The following HIVEP3 variants were observed in gnomAD, a reference collection of about 807,000 sequenced individuals.
The protein encoded by HIVEP3 is HIVEP zinc finger 3.
A neutral mutation model predicts 152.8 loss-of-function variants in HIVEP3; 49 were observed. The ratio of observed to expected loss-of-function variants is 0.32; its 90% CI spans 0.26 to 0.41. HIVEP3 has a LOEUF of 0.41. HIVEP3 is among the 10% of genes least tolerant of loss of function. HIVEP3 has a pLI of 1.00. For synonymous variants in HIVEP3, 1,269 were observed against 1,289.0 expected (o/e 0.98, Z 0.33); for missense variants, 2,790 against 3,103.3 (o/e 0.90, Z 2.40).
At chr1:41,759,946 C>T (rs747183406) in intron 1 of HIVEP3, among the ~76,000 whole-genome samples, 11 of 152,116 alleles carry the variant, frequency 7.2e-5, no homozygotes, top group Non-Finnish European at 1.6e-4. Context: ...TCTACCTGGC[C>T]CTATTGTTCA....
chr1:41,778,741 T>C (rs933441856), intron 1 of HIVEP3, among the ~76,000 whole-genome samples: 18 of 152,124 alleles, frequency 1.2e-4, no homozygotes, highest in African/African-American at 3.9e-4. Flanking sequence ...GGAGCTTATG[T>C]GCTAGAGGGG....
chr1:41,755,843 G>A lies in HIVEP3; in HGVS notation c.-800-54848C>T, dbSNP rs948407389. Reference sequence around the variant, plus strand: ...CAATACCAAATGCTGGAAAGAATGCGGAGAAATTGCATCCCTTGTCCATTG... The same window carrying A: ...CAATACCAAATGCTGGAAAGAATGCAGAGAAATTGCATCCCTTGTCCATTG... On this transcript the variant is annotated intron_variant, in intron 1 of 8. Transcript: ENST00000372583. 1.1e-4 allele frequency among the ~76,000 whole-genome samples: 16 copies of A among 152,218 alleles called. No individual in the cohort carries two copies. The South Asian group carries it at 1.2e-3, about 12-fold the overall frequency.
intron 2 of HIVEP3, among the ~76,000 whole-genome samples, chr1:41,638,310 AG>A (rs1558137106): frequency 0.015 from 1,962 of 131,816 alleles, 23 homozygotes; most frequent in East Asian, 0.029. Context: ...AGAGAAAGAA[AG>A]GAAAAGGAAA....
chr1:41,988,307 G>A (rs751930486), intron 1 of HIVEP3, among the ~76,000 whole-genome samples: 8 of 151,940 alleles, frequency 5.3e-5, no homozygotes, highest in Non-Finnish European at 1.0e-4. Context: ...ACCTGAACAG[G>A]AGAAAATATT....
At chr1:41,964,155 C>G (rs977026183) in intron 1 of HIVEP3, among the ~76,000 whole-genome samples, 2 of 152,230 alleles carry the variant, frequency 1.3e-5, no homozygotes, top group Non-Finnish European at 2.9e-5. Context: ...CTGCAGTCGG[C>G]AGCTCCCACT....
intron 1 of HIVEP3, among the ~76,000 whole-genome samples, chr1:41,703,911 T>C (rs1646398158): frequency 6.6e-6 from 1 of 152,218 alleles, no homozygotes; most frequent in Admixed American, 6.5e-5. Flanking sequence ...TTCAAAGGCC[T>C]GTCCACCAAC....
intron 1 of HIVEP3, chr1:41,847,502 G>A (rs921293116): frequency 2.5e-4 from 38 of 152,342 alleles, no homozygotes; most frequent in Middle Eastern, 6.8e-3. Flanking sequence ...TTTGGGGTAA[G>A]TAGGATTTGG....
At position 41,584,544 on chromosome 1, in the gene HIVEP3, G is replaced by C; in HGVS notation, c.254C>G (p.Pro85Arg). ...GQQQKPPKRP[P>R]IEASVHISQL... ...TGAGATGTGGACGGATGCTTCGATG[G>C]GGGGCCTTTTGGGGGGCTTCTGCTG... is the stretch of plus-strand genomic sequence containing the variant. Residue 85 changes from proline (P) to arginine (R), a missense_variant, in exon 4 of 9, where the codon CCC (proline) becomes CGC (arginine). Around this residue, in one of 9 missense-constraint regions of HIVEP3, gnomAD observed 209 missense variants for 237.0 expected, o/e 0.88. Transcript: ENST00000372583. This position sits in a 1 kb window ranked among gnomAD's most constrained non-coding sequence, Gnocchi z 5.2. The C allele has an allele frequency of 1.9e-6, 3 of 1,614,128 alleles. No individual in the cohort carries two copies. The highest frequency in any genetic ancestry group is 2.5e-6 in the Non-Finnish European group (3 of 1,179,998).
intron 2 of HIVEP3, among the ~76,000 whole-genome samples, chr1:41,637,687 T>A (rs1050003778): frequency 6.6e-6 from 1 of 152,242 alleles, no homozygotes; most frequent in Non-Finnish European, 1.5e-5. Flanking sequence ...TGCAATCTTG[T>A]CCTGGAGGGC....
chr1:41,633,456 C>T (rs1645226027), intron 2 of HIVEP3, among the ~76,000 whole-genome samples: 1 of 152,176 alleles, frequency 6.6e-6, no homozygotes, highest in African/African-American at 2.4e-5. Flanking sequence ...AGTGGATCCT[C>T]TCAGTTTCCA....
Position 41,667,751 on chromosome 1 carries a change from T to C in HIVEP3, c.-721+33165A>G, listed in dbSNP as rs1645817952. Among the ~76,000 whole-genome samples, 10 of 152,276 alleles carry C rather than the reference T, an allele frequency of 6.6e-5. No homozygotes were observed. In the South Asian group the frequency reaches 2.1e-3, roughly 32 times the overall value. On this transcript the variant is annotated intron_variant, in intron 2 of 8. Transcript: ENST00000372583. ...TTTCACAGCTGCTAAATTGGGAGAA[T>C]AACACATCCCAGGAAAAATTTAGAG...
At chr1:41,700,812 G>T in intron 2 of HIVEP3, 104 bp downstream of exon 2, 1 of 376,882 alleles carries the variant, frequency 2.7e-6, no homozygotes, top group Non-Finnish European at 3.7e-6. Context: ...CCTGCCCGAG[G>T]CTAAGGTCAT....
chr1:41,751,453 GC>G (rs923952664), intron 1 of HIVEP3, among the ~76,000 whole-genome samples: 2 of 151,218 alleles, frequency 1.3e-5, no homozygotes, highest in Non-Finnish European at 2.9e-5. Flanking sequence ...ATGAGTAGGT[GC>G]CTTTCTATAT....
At chr1:41,527,601 CAT>C (rs771213315) in intron 5 of HIVEP3, among the ~76,000 whole-genome samples, 5 of 143,686 alleles carry the variant, frequency 3.5e-5, no homozygotes, top group East Asian at 2.2e-4. Flanking sequence ...CACTCATTCG[CAT>C]ACTCTACTCC....
At chr1:41,919,135 T>TTATA (rs370753363), upstream of HIVEP3, among the ~76,000 whole-genome samples, 21 of 151,682 alleles carry the variant, frequency 1.4e-4, no homozygotes, top group African/African-American at 4.8e-4. Context: ...TGCACACATA[T>TTATA]TATATATATA....
chr1:42,026,509 C>G (rs1645583318), intron 1 of HIVEP3, among the ~76,000 whole-genome samples: 1 of 152,142 alleles, frequency 6.6e-6, no homozygotes. Context: ...AATAACCTAT[C>G]CTACCATTAT....
chr1:41,606,223 G>T (rs1238159556), intron 3 of HIVEP3, among the ~76,000 whole-genome samples: 2 of 151,790 alleles, frequency 1.3e-5, no homozygotes, highest in Non-Finnish European at 2.9e-5. Context: ...TCTGGCAGTT[G>T]CTTTTAGCAT....
chr1:41,627,512 C>G (rs1459333003), intron 3 of HIVEP3, among the ~76,000 whole-genome samples: 1 of 152,176 alleles, frequency 6.6e-6, no homozygotes, highest in Non-Finnish European at 1.5e-5. Context: ...TGGTCTAGGC[C>G]TAGGGCTGGT....
intron 1 of HIVEP3, among the ~76,000 whole-genome samples, chr1:42,017,061 T>C (rs1469501887): frequency 6.6e-6 from 1 of 152,150 alleles, no homozygotes; most frequent in Non-Finnish European, 1.5e-5. Context: ...TCTTTTAATG[T>C]CTGATGGTCT....
Sources: gnomAD v4.1 joint callset for allele counts (sites outside exome capture counted in the v4.1 genomes callset) on GRCh38, gnomAD v4.1.1 for gene constraint, gnomAD v4.1.1 regional missense constraint, Gnocchi (gnomAD v3.1) non-coding constraint, MANE v1.5 for transcripts, NCBI Gene and HGNC (gene_info 2026-07-23, HGNC 2026-07-21) for gene names.